Variants in AR observed in about 807,000 individuals in gnomAD.
AR encodes the protein dihydrotestosterone receptor.
AR carries 8 observed loss-of-function variants against 53.9 expected under a neutral mutation model. The observed-to-expected ratio is 0.15, with a 90% CI of 0.09 to 0.27. The LOEUF (loss-of-function observed/expected upper bound fraction) is 0.27, where lower values mean the gene tolerates loss of function less well. Among genes scored for constraint, AR ranks in the 10% least tolerant of loss-of-function variants. AR has a pLI of 1.00. For synonymous variants in AR, 359 were observed against 316.4 expected, an observed-to-expected ratio of 1.13 and a Z score of -1.43; for missense variants, 639 against 742.5, an observed-to-expected ratio of 0.86 and a Z score of 1.62.
rs757699770 is a variant in AR at position 67,724,342 on chromosome X, AAAATAAATAAAT to A, written c.*515_*526del. ...AAACCTTGCTAGTGTTTTTTCCTCA[AAAATAAATAAAT>A]AAATAAATAAATACGTACATACATA... On this transcript the variant is annotated 3_prime_UTR_variant, in exon 8 of 8. Coordinates refer to ENST00000374690, the MANE Select transcript of AR (RefSeq NM_000044.6). 1.1e-5 allele frequency: 2 copies of A among 178,122 alleles called. No individual in the cohort carries two copies. Among genetic ancestry groups the A allele is most frequent in the South Asian group, 2.7e-4 (1 of 3,642 alleles). 14.7% of individuals were successfully genotyped at this position (178,122 alleles called of 1,213,427 possible). A position where few individuals can be genotyped will look rare whatever the true frequency, so the allele number is the denominator to read the frequency against.
chrX:67,652,870 T>A (rs1219387129), intron 2 of AR, among the ~76,000 whole-genome samples: 3 of 112,228 alleles, frequency 2.7e-5, no homozygotes, highest in Non-Finnish European at 3.8e-5. Flanking sequence ...GTGTGAGGAT[T>A]GTTCCAAGGT....
chrX:67,615,374 AT>A, intron 1 of AR, among the ~76,000 whole-genome samples: 1 of 111,452 alleles, frequency 9.0e-6, no homozygotes, highest in Non-Finnish European at 1.9e-5. Context: ...TTAACAGCTG[AT>A]TCTCATCAGA....
chrX:67,554,500 A>G (rs1342657039), intron 1 of AR, among the ~76,000 whole-genome samples: 1 of 112,094 alleles, frequency 8.9e-6, no homozygotes, highest in Non-Finnish European at 1.9e-5. Flanking sequence ...GTCTTCATTA[A>G]CACTCTAGGC....
Position 67,729,275 on chromosome X carries a change from G to A in AR, c.*5434G>A, listed in dbSNP as rs1327932286. ...GCAGGTCCATTTCTGCCCACAGGTA[G>A]GGTGTTTTTCTTTGATTAAGAGATT... On this transcript the variant is annotated 3_prime_UTR_variant, in exon 8 of 8. Coordinates refer to ENST00000374690, the MANE Select transcript of AR (RefSeq NM_000044.6). 5.7e-6 allele frequency: 1 copy of A among 174,150 alleles called. No homozygotes were observed. The highest frequency in any genetic ancestry group is 1.1e-5 in the Non-Finnish European group (1 of 91,325). 14.4% of individuals were successfully genotyped at this position (174,150 alleles called of 1,213,427 possible). A position where few individuals can be genotyped will look rare whatever the true frequency, so the allele number is the denominator to read the frequency against.
At chrX:67,705,026 T>C (rs1466531230) in intron 3 of AR, among the ~76,000 whole-genome samples, 2 of 111,848 alleles carry the variant, frequency 1.8e-5, no homozygotes, top group Non-Finnish European at 3.8e-5. Flanking sequence ...GGTACCAGTA[T>C]CATGCTGTTT....
chrX:67,616,733 T>C (rs754787998), intron 1 of AR, among the ~76,000 whole-genome samples: 16 of 111,377 alleles, frequency 1.4e-4, no homozygotes, highest in South Asian at 7.5e-4. Flanking sequence ...ATTCATAGCT[T>C]CCATAAATAT....
At chrX:67,693,015 G>A (rs2076002847) in intron 3 of AR, among the ~76,000 whole-genome samples, 2 of 112,900 alleles carry the variant, frequency 1.8e-5, no homozygotes, top group South Asian at 7.2e-4. Flanking sequence ...GGAAAAAACA[G>A]AGACTGCGTC....
chrX:67,577,256 G>A (rs768599137), intron 1 of AR, among the ~76,000 whole-genome samples: 1 of 110,791 alleles, frequency 9.0e-6, no homozygotes, highest in East Asian at 2.9e-4. Context: ...CTTTCACTTA[G>A]CATGATGTTT....
At chrX:67,683,984 G>A (rs184808200) in intron 2 of AR, among the ~76,000 whole-genome samples, 3 of 111,825 alleles carry the variant, frequency 2.7e-5, no homozygotes, top group Non-Finnish European at 5.6e-5. Context: ...TCCATTGGTG[G>A]TGCAACCATT....
rs1234341494 is a variant in AR at position 67,545,633 on chromosome X, A to G, written c.487A>G (p.Thr163Ala). The change falls in exon 1 of 8, where the codon ACG (threonine) becomes GCG (alanine). Residue 163 changes from threonine to alanine, a missense_variant. This residue lies in a region of AR where 423 missense variants were observed against 377.0 expected (regional missense o/e 1.12). Transcript: ENST00000374690. ...CGAGGATGACTCAGCTGCCCCATCC[A>G]CGTTGTCCCTGCTGGGCCCCACTTT... ...PDEDDSAAPS[T>A]LSLLGPTFPG... is the part of the protein sequence containing the mutation. 14 of 1,193,299 alleles carry G rather than the reference A, an allele frequency of 1.2e-5. No homozygotes were observed. The South Asian group carries it at 2.6e-4, about 22-fold the overall frequency.
rs111652579 is a variant in AR at position 67,632,596 on chromosome X, G to A, written c.1617-10660G>A. On this transcript the variant is annotated intron_variant, in intron 1 of 7. Transcript: ENST00000374690. ...TCAGATGGAAATGCAGAAATCACCC[G>A]TCTTCTGCTTCGCTCATGCTGGGAG... Among the ~76,000 whole-genome samples, 424 of 111,900 alleles carry A rather than the reference G, an allele frequency of 3.8e-3. 1 individual carries two copies. The highest frequency in any genetic ancestry group is 0.011 in the African/African-American group (338 of 30,834).
At chrX:67,644,107 A>G (rs999747427) in intron 2 of AR, among the ~76,000 whole-genome samples, 1 of 112,320 alleles carries the variant, frequency 8.9e-6, no homozygotes, top group Non-Finnish European at 1.9e-5. Flanking sequence ...AGTTTTATTT[A>G]GCTTAGAACA....
At chrX:67,638,784 C>A (rs1259615973) in intron 1 of AR, among the ~76,000 whole-genome samples, 2 of 112,004 alleles carry the variant, frequency 1.8e-5, no homozygotes, top group Non-Finnish European at 3.8e-5. Context: ...GTTGCTTGTT[C>A]ACTCTGATGA....
chrX:67,588,194 T>C (rs1922650799), intron 1 of AR, among the ~76,000 whole-genome samples: 2 of 111,906 alleles, frequency 1.8e-5, no homozygotes, highest in Admixed American at 9.4e-5. Context: ...GTGTGTGTCA[T>C]GCATTGTACT....
intron 1 of AR, among the ~76,000 whole-genome samples, chrX:67,620,131 G>A (rs1924301426): frequency 9.0e-6 from 1 of 110,990 alleles, no homozygotes; most frequent in Admixed American, 9.7e-5. Context: ...CTTACATGAT[G>A]CTATCTTCCT....
At chrX:67,564,348 A>G (rs1184540521) in intron 1 of AR, among the ~76,000 whole-genome samples, 1 of 110,955 alleles carries the variant, frequency 9.0e-6, no homozygotes, top group Non-Finnish European at 1.9e-5. Context: ...ATCCACTTCC[A>G]TCTCCCACGA....
intron 2 of AR, 64 bp from the exon 3 acceptor site, chrX:67,685,945 AC>A (rs2075964042): frequency 8.3e-7 from 1 of 1,200,223 alleles, no homozygotes; most frequent in Admixed American, 2.2e-5. Flanking sequence ...TTCTAGAAAT[AC>A]CCGAAGAAAG....
intron 3 of AR, among the ~76,000 whole-genome samples, chrX:67,707,958 A>T (rs964678833): frequency 8.9e-5 from 10 of 112,013 alleles, no homozygotes; most frequent in African/African-American, 1.3e-4. Context: ...TTTAAGAATG[A>T]TGAATATTGG....
intron 1 of AR, among the ~76,000 whole-genome samples, chrX:67,616,173 A>G (rs1292159399): frequency 9.0e-6 from 1 of 111,520 alleles, no homozygotes; most frequent in African/African-American, 3.3e-5. Flanking sequence ...AACATAGTTT[A>G]GCTTATGTGT....
Sources: gnomAD v4.1 joint callset for allele counts (sites outside exome capture counted in the v4.1 genomes callset) on GRCh38, gnomAD v4.1.1 for gene constraint, gnomAD v4.1.1 regional missense constraint, MANE v1.5 for transcripts, NCBI Gene and HGNC (gene_info 2026-07-23, HGNC 2026-07-21) for gene names.